The following MESP1 variants were observed in gnomAD, a reference collection of about 807,000 sequenced individuals.
MESP1 encodes mesoderm posterior bHLH transcription factor 1.
MESP1 carries 22 observed loss-of-function variants against 15.2 expected under a neutral mutation model. That is an observed-to-expected ratio of 1.45 (90% CI 1.04 to 2.07). The LOEUF is 2.07. Ranked by LOEUF, MESP1 falls within the 30% of genes most tolerant of loss-of-function variation. The pLI is 0.00. For missense variants in MESP1, 484 were observed against 411.9 expected (o/e 1.17, Z -1.51); for synonymous variants, 216 against 192.6 (o/e 1.12, Z -1.01).
At position 89,750,739 on chromosome 15, in the gene MESP1, G is replaced by A. The variant is rs768574066; in HGVS notation, c.493C>T (p.Leu165=). The A allele has an allele frequency of 1.2e-5, 17 of 1,432,890 alleles. No homozygotes were observed. In the African/African-American group the frequency reaches 2.1e-4, roughly 17 times the overall value. The allele number at this position is 1,432,890 out of a possible 1,614,324, so 88.8% of individuals were successfully genotyped here. A position where few individuals can be genotyped will look rare whatever the true frequency, so the allele number is the denominator to read the frequency against. ...GDAGSPRGCP[L]CPDDCPAQMQ... is the part of the protein sequence containing the mutation. ...TGCGCGGGGCAGTCGTCGGGGCACA[G>A]CGGGCAGCCCCGAGGGGACCCCGCG... Residue 165 remains leucine, a synonymous_variant, in exon 1 of 2, where the codon CTG becomes TTG. Transcript: ENST00000300057.
chr15:89,743,938 G>A, the MESP1 span, among the ~76,000 whole-genome samples: 2 of 152,228 alleles, frequency 1.3e-5, no homozygotes, highest in Admixed American at 6.5e-5. Context: ...AGGGAGAGGT[G>A]GCAGGCAGGA....
downstream of MESP1, chr15:89,749,288 G>A (rs1237268251): frequency 2.0e-5 from 3 of 152,326 alleles, no homozygotes; most frequent in Non-Finnish European, 4.4e-5. Flanking sequence ...GCCACAAGGT[G>A]GGGAAACCAG....
the MESP1 span, chr15:89,743,240 G>A: frequency 1.9e-6 from 3 of 1,595,522 alleles, no homozygotes; most frequent in Non-Finnish European, 2.6e-6. Context: ...GGGGGCTCGG[G>A]AGCTGGGGAA....
the MESP1 span, among the ~76,000 whole-genome samples, chr15:89,744,798 G>A: frequency 6.6e-6 from 1 of 152,152 alleles, no homozygotes; most frequent in South Asian, 2.1e-4. Context: ...GATCACACCT[G>A]GAGTCTCCCT....
chr15:89,737,625 G>T, the MESP1 span: 1 of 1,614,176 alleles, frequency 6.2e-7, no homozygotes, highest in Non-Finnish European at 8.5e-7. Context: ...GTGGCCAAGC[G>T]TGAAATCATC....
chr15:89,739,588 G>A, the MESP1 span, among the ~76,000 whole-genome samples: 1 of 152,124 alleles, frequency 6.6e-6, no homozygotes, highest in South Asian at 2.1e-4. Context: ...TAAATTTCTG[G>A]GGATTTGCAA....
the MESP1 span, among the ~76,000 whole-genome samples, chr15:89,738,626 CAAAAAAAA>C: frequency 1.2e-4 from 10 of 81,460 alleles, no homozygotes; most frequent in Non-Finnish European, 1.7e-4. Flanking sequence ...GACTCTGTCC[CAAAAAAAA>C]AAAAAAAAAA....
At chr15:89,746,153 C>CAGCATCCACAT (rs1349456109), downstream of MESP1, among the ~76,000 whole-genome samples, 1 of 144,596 alleles carries the variant, frequency 6.9e-6, no homozygotes, top group Non-Finnish European at 1.5e-5. Context: ...AGCATCCACA[C>CAGCATCCACAT]AGCATCCACA....
At chr15:89,747,145 CA>C (rs1281375976), downstream of MESP1, among the ~76,000 whole-genome samples, 37 of 140,376 alleles carry the variant, frequency 2.6e-4, no homozygotes, top group African/African-American at 8.9e-4. Flanking sequence ...CACACACACA[CA>C]CCCCTACCTT....
rs1452411821 is a variant in MESP1, at chr15:89,751,220, G to C, written c.12C>G (p.Pro4=). 2 of 1,243,020 alleles carry C rather than the reference G, an allele frequency of 1.6e-6. No individual in the cohort carries two copies. The highest frequency in any genetic ancestry group is 2.0e-6 in the Non-Finnish European group (2 of 994,864). 77.0% of individuals were successfully genotyped at this position (1,243,020 alleles called of 1,614,324 possible). ...AGGACTCGGAGAGCGGCGGGCACAG[G>C]GGCTGGGCCATGGCAGCGGCGGCGC... MAQ[P]LCPPLSESWM... is the part of the protein sequence containing the mutation. Residue 4 remains proline, a synonymous_variant, in exon 1 of 2, where the codon CCC becomes CCG. Coordinates refer to ENST00000300057, the MANE Select transcript of MESP1 (RefSeq NM_018670.4).
chr15:89,745,759 G>A (rs1292547758), downstream of MESP1, among the ~76,000 whole-genome samples: 2 of 151,500 alleles, frequency 1.3e-5, no homozygotes, highest in East Asian at 1.9e-4. This position sits in a 1 kb window ranked among gnomAD's most constrained non-coding sequence, Gnocchi z 4.8. Flanking sequence ...GCGAGACTCT[G>A]TGTCAAAAAA....
chr15:89,750,575 CGGGT>C lies in MESP1; in HGVS notation c.653_656del (p.Asp218GlyfsTer60). On this transcript the variant is annotated frameshift_variant, in exon 1 of 2. Coordinates refer to ENST00000300057, the MANE Select transcript of MESP1 (RefSeq NM_018670.4). LOFTEE classifies it high-confidence loss of function. ...ACGCCGCCTCGGCGAACAGCGCAGG[CGGGT>C]CGCGCGGCTCGGGTGCAGCTCGGGC... The C allele has an allele frequency of 7.0e-7, 1 of 1,433,556 alleles. No individual in the cohort carries two copies. Among genetic ancestry groups the C allele is most frequent in the Non-Finnish European group, 9.1e-7 (1 of 1,101,536 alleles). 88.8% of individuals were successfully genotyped at this position (1,433,556 alleles called of 1,614,324 possible). A position where few individuals can be genotyped will look rare whatever the true frequency, so the allele number is the denominator to read the frequency against.
the MESP1 span, chr15:89,737,562 T>G: frequency 1.9e-6 from 3 of 1,614,152 alleles, no homozygotes; most frequent in African/African-American, 4.0e-5. Context: ...CACCATCTCT[T>G]TGCTTCCCAG....
chr15:89,747,644 T>C (rs1967997236), downstream of MESP1, among the ~76,000 whole-genome samples: 1 of 152,168 alleles, frequency 6.6e-6, no homozygotes, highest in African/African-American at 2.4e-5. Context: ...GACAAGCTGG[T>C]GTTCAGCCGA....
At chr15:89,738,307 C>T in the MESP1 span, 9 of 1,473,218 alleles carry the variant, frequency 6.1e-6, no homozygotes, top group Non-Finnish European at 8.2e-6. Context: ...AGTGGAGTTT[C>T]TTTCATGGTA....
chr15:89,751,061 C>CTG lies in MESP1; in HGVS notation c.170_171insCA (p.Pro58SerfsTer13). ...CGCGGGGGTCCCGGAGGGTGCCTGG[C>CTG]CGCGCGGGGCTCGCCACGGGGCTGT... On this transcript the variant is annotated frameshift_variant, in exon 1 of 2. Transcript: ENST00000300057. LOFTEE classifies it high-confidence loss of function. 1 of 1,323,730 alleles carries CTG rather than the reference C, an allele frequency of 7.6e-7. No individual in the cohort carries two copies. The highest frequency in any genetic ancestry group is 2.2e-5 in the South Asian group (1 of 45,474). 82.0% of individuals were successfully genotyped at this position (1,323,730 alleles called of 1,614,324 possible).
At chr15:89,735,416 T>C in the MESP1 span, 1 of 1,460,318 alleles carries the variant, frequency 6.8e-7, no homozygotes, top group East Asian at 2.3e-5. Flanking sequence ...CTCCAGGATA[T>C]ATGCCTAGAA....
the MESP1 span, chr15:89,737,907 C>A: frequency 7.6e-7 from 1 of 1,320,356 alleles, no homozygotes; most frequent in Non-Finnish European, 1.0e-6. Context: ...AGGGTCTTCT[C>A]TCTGAAGTCA....
downstream of MESP1, among the ~76,000 whole-genome samples, chr15:89,745,252 G>C (rs77170591): frequency 5.5e-3 from 842 of 152,292 alleles, 8 homozygotes; most frequent in African/African-American, 0.019. This position sits in a 1 kb window ranked among gnomAD's most constrained non-coding sequence, Gnocchi z 4.8. Context: ...GAGGGGATCT[G>C]AGGCATTCAC....
Sources: gnomAD v4.1 joint callset for allele counts (sites outside exome capture counted in the v4.1 genomes callset) on GRCh38, gnomAD v4.1.1 for gene constraint, Gnocchi (gnomAD v3.1) non-coding constraint, MANE v1.5 for transcripts, NCBI Gene and HGNC (gene_info 2026-07-23, HGNC 2026-07-21) for gene names.